The following ADGRV1 variants were observed in gnomAD, a reference collection of about 807,000 sequenced individuals.
ADGRV1 encodes G-protein coupled receptor 98.
In ADGRV1, 359 loss-of-function variants were observed where a neutral mutation model predicts 596.2. That is an observed-to-expected ratio of 0.60 (90% CI 0.55 to 0.66). The LOEUF is 0.66. Ranked by LOEUF, ADGRV1 falls within the 30% of genes least tolerant of loss-of-function variation. ADGRV1 has a pLI of 0.00. For missense variants in ADGRV1, 7,274 were observed against 7,575.6 expected (o/e 0.96, Z 1.48); for synonymous variants, 2,681 against 2,679.2 (o/e 1.00, Z -0.02).
At chr5:90,862,111 T>C (rs1210513831) in intron 82 of ADGRV1, among the ~76,000 whole-genome samples, 7 of 152,218 alleles carry the variant, frequency 4.6e-5, no homozygotes, top group Non-Finnish European at 1.5e-5. Context: ...TTTAGTATAC[T>C]AAATGTATAT....
intron 20 of ADGRV1, among the ~76,000 whole-genome samples, chr5:90,656,646 A>G (rs964013223): frequency 6.6e-6 from 1 of 152,210 alleles, no homozygotes; most frequent in African/African-American, 2.4e-5. Flanking sequence ...CTGTCATGAC[A>G]GTAACATGCC....
chr5:91,075,857 A>G (rs1465401410), intron 86 of ADGRV1, among the ~76,000 whole-genome samples: 1 of 152,194 alleles, frequency 6.6e-6, no homozygotes, highest in Non-Finnish European at 1.5e-5. Context: ...GGTCTGACCC[A>G]GGACCATCTT....
chr5:90,681,444 T>A lies in ADGRV1; in HGVS notation c.5654T>A (p.Val1885Asp). The A allele has an allele frequency of 6.2e-7, 1 of 1,610,524 alleles. No individual in the cohort carries two copies. The highest frequency in any genetic ancestry group is 1.1e-5 in the South Asian group (1 of 90,064). The change falls in exon 27 of 90, where the codon GTT becomes GAT. Residue 1885 changes from valine (V) to aspartate (D), a missense_variant. Val to Asp is a radical substitution (Grantham distance 152). Around this residue, in one of 5 missense-constraint regions of ADGRV1, gnomAD observed 3,643 missense variants for 3,809.2 expected, o/e 0.96. Transcript: ENST00000405460. ...GTEPEDGYST[V>D]TLNVIRHHGT... ...GAACCAGAAGATGGGTATAGCACTG[T>A]TACATTAAATGTGAGTACCTTTTCT...
chr5:90,583,435 T>C (rs1204110762), intron 1 of ADGRV1, among the ~76,000 whole-genome samples: 1 of 152,128 alleles, frequency 6.6e-6, no homozygotes, highest in East Asian at 1.9e-4. Flanking sequence ...CAAAACTTGT[T>C]TTATAATGAT....
Position 91,053,513 on chromosome 5 carries a change from T to A in ADGRV1, c.18153-18934T>A, listed in dbSNP as rs72784643. Among the ~76,000 whole-genome samples the A allele has an allele frequency of 7.8e-3, 1,186 of 152,326 alleles. 5 individuals are homozygous for A. The highest frequency in any genetic ancestry group is 0.012 in the Non-Finnish European group (837 of 68,022). ...CTGCTTCCCTTTTTAAGTGCACAGA[T>A]GATTCCTGAACCAACAGGAAACAAA... is the stretch of plus-strand genomic sequence containing the variant. On this transcript the variant is annotated intron_variant, in intron 85 of 89. Coordinates refer to ENST00000405460, the MANE Select transcript of ADGRV1 (RefSeq NM_032119.4).
chr5:90,746,396 G>C (rs1754633717), intron 52 of ADGRV1, among the ~76,000 whole-genome samples: 1 of 152,110 alleles, frequency 6.6e-6, no homozygotes, highest in South Asian at 2.1e-4. Context: ...TCTATTATTT[G>C]CATCATTTAG....
In ADGRV1 at chr5:90,810,675, G is replaced by A. The variant is rs776241274; in HGVS notation, c.15415G>A (p.Glu5139Lys). ...DLAGMDISFP[E>K]TTVAVAVDTT... is the part of the protein sequence containing the mutation. ...GGCAGGAATGGATATTTCCTTCCCCGAGACAACTGTGGCTGTAGCAGTTGA... is the reference window on the plus strand; with the variant it reads ...GGCAGGAATGGATATTTCCTTCCCCAAGACAACTGTGGCTGTAGCAGTTGA... The change falls in exon 74 of 90, where the codon GAG becomes AAG. Residue 5139 changes from glutamate (E) to lysine (K), a missense_variant. Coordinates refer to ENST00000405460, the MANE Select transcript of ADGRV1 (RefSeq NM_032119.4). 10 of 1,613,714 alleles carry A rather than the reference G, an allele frequency of 6.2e-6. No homozygotes were observed. The highest frequency in any genetic ancestry group is 1.7e-5 in the Admixed American group (1 of 59,974).
At chr5:91,054,366 TA>T (rs1283449699) in intron 85 of ADGRV1, among the ~76,000 whole-genome samples, 2 of 152,066 alleles carry the variant, frequency 1.3e-5, no homozygotes, top group African/African-American at 4.8e-5. Context: ...TAAAGAAGCA[TA>T]AAAAAGATCT....
chr5:91,080,548 A>T (rs1789248140), intron 86 of ADGRV1, among the ~76,000 whole-genome samples: 1 of 150,992 alleles, frequency 6.6e-6, no homozygotes, highest in Non-Finnish European at 1.5e-5. Context: ...TAATTTCATA[A>T]AAGTAGTATT....
intron 89 of ADGRV1, among the ~76,000 whole-genome samples, chr5:91,163,191 C>G (rs1797096575): frequency 6.6e-6 from 1 of 152,176 alleles, no homozygotes; most frequent in African/African-American, 2.4e-5. Context: ...ACAGTAACTA[C>G]TGTGGTGGAA....
intron 86 of ADGRV1, among the ~76,000 whole-genome samples, chr5:91,087,932 T>A (rs1481492152): frequency 6.6e-6 from 1 of 152,206 alleles, no homozygotes; most frequent in Non-Finnish European, 1.5e-5. Context: ...AGTCATATTT[T>A]TTAACCTCAG....
intron 1 of ADGRV1, among the ~76,000 whole-genome samples, chr5:90,586,510 A>G (rs645652): frequency 0.24 from 36,545 of 152,188 alleles, 5,339 homozygotes; most frequent in Non-Finnish European, 0.33. Context: ...AATTTGTCCC[A>G]TAGAATGTCC....
At chr5:90,643,727 C>A in intron 13 of ADGRV1, 76 bp from the exon 14 acceptor site, 4 of 1,117,440 alleles carry the variant, frequency 3.6e-6, no homozygotes, top group Non-Finnish European at 5.1e-6. Context: ...TATTAATATT[C>A]TTGAATATTT....
chr5:91,021,070 G>A (rs1446780723), intron 85 of ADGRV1, among the ~76,000 whole-genome samples: 1 of 151,984 alleles, frequency 6.6e-6, no homozygotes. Context: ...GGAATTTAAA[G>A]CAAATCTTTC....
In ADGRV1 at chr5:90,625,157, G is replaced by C. The variant is rs1764574213; in HGVS notation, c.586G>C (p.Glu196Gln). ...AGAGGGTGGCCCAAATCCCCCTGATGAAGATTTGAGTCCAGTTAAAGGAAA... is the reference window on the plus strand; with the variant it reads ...AGAGGGTGGCCCAAATCCCCCTGATCAAGATTTGAGTCCAGTTAAAGGAAA... ...EVEGGPNPPD[E>Q]DLSPVKGNIT... Residue 196 changes from glutamate to glutamine, a missense_variant, in exon 6 of 90, where the codon GAA (glutamate) becomes CAA (glutamine). Physicochemically the swap from Glu to Gln is conservative, Grantham distance 29. Transcript: ENST00000405460. 1 of 1,612,812 alleles carries C rather than the reference G, an allele frequency of 6.2e-7. No individual in the cohort carries two copies. The highest frequency in any genetic ancestry group is 2.2e-5 in the East Asian group (1 of 44,854).
At chr5:90,667,827 C>G (rs1372329713) in intron 21 of ADGRV1, among the ~76,000 whole-genome samples, 5 of 152,094 alleles carry the variant, frequency 3.3e-5, no homozygotes, top group Non-Finnish European at 7.3e-5. Context: ...TTCCTTCTAA[C>G]AGACAGGACC....
chr5:91,153,313 G>A lies in ADGRV1; in HGVS notation c.18717G>A (p.Pro6239=), dbSNP rs777716058. The stretch of plus-strand genomic sequence containing the variant: ...GTCCACAAAATGGAGCCACGTTCCC[G>A]TCCTCTGGAGGATATGGCCAGGGGT... ...KPSPQNGATF[P]SSGGYGQGSL... is the part of the protein sequence containing the mutation. Residue 6239 remains proline, a synonymous_variant, in exon 89 of 90, where the codon CCG becomes CCA. Coordinates refer to ENST00000405460, the MANE Select transcript of ADGRV1 (RefSeq NM_032119.4). The A allele has an allele frequency of 3.8e-5, 62 of 1,612,162 alleles. No individual in the cohort carries two copies. Among genetic ancestry groups the A allele is most frequent in the Non-Finnish European group, 4.5e-5 (53 of 1,179,240 alleles).
At position 91,047,445 on chromosome 5, in the gene ADGRV1, T is replaced by C. The variant is rs555268611; in HGVS notation, c.18153-25002T>C. On this transcript the variant is annotated intron_variant, in intron 85 of 89. Transcript: ENST00000405460. Reference sequence around the variant, plus strand: ...AGTCCAAGTCCCAAAGCTGAAGAACTTGGAGTCTGATGTTTGAAGATAGGA... The same window carrying C: ...AGTCCAAGTCCCAAAGCTGAAGAACCTGGAGTCTGATGTTTGAAGATAGGA... Among the ~76,000 whole-genome samples, 25 of 152,238 alleles carry C rather than the reference T, an allele frequency of 1.6e-4. No individual in the cohort carries two copies. The East Asian group carries it at 4.8e-3, about 29-fold the overall frequency.
At chr5:90,824,014 A>G (rs983290102) in intron 76 of ADGRV1, among the ~76,000 whole-genome samples, 2 of 152,222 alleles carry the variant, frequency 1.3e-5, no homozygotes, top group African/African-American at 4.8e-5. Context: ...ACATGTCGAT[A>G]TGCTAACTCT....
Sources: gnomAD v4.1 joint callset for allele counts (sites outside exome capture counted in the v4.1 genomes callset) on GRCh38, gnomAD v4.1.1 for gene constraint, gnomAD v4.1.1 regional missense constraint, MANE v1.5 for transcripts, NCBI Gene and HGNC (gene_info 2026-07-23, HGNC 2026-07-21) for gene names.